PCDH7: variants seen among roughly 807,000 people sequenced by gnomAD.
PCDH7 encodes protocadherin 7.
In PCDH7, 17 loss-of-function variants were observed where a neutral mutation model predicts 58.9. The ratio of observed to expected loss-of-function variants is 0.29; its 90% CI spans 0.20 to 0.43. PCDH7 has a LOEUF of 0.43. Ranked by LOEUF, PCDH7 falls within the 20% of genes least tolerant of loss-of-function variation. The probability of loss-of-function intolerance (pLI) is 1.00; values close to 1 mark genes in which losing one functional copy is unlikely to be tolerated. For synonymous variants in PCDH7, 664 were observed against 616.4 expected, an observed-to-expected ratio of 1.08 and a Z score of -1.14; for missense variants, 1,274 against 1,441.0, an observed-to-expected ratio of 0.88 and a Z score of 1.88.
At chr4:30,960,795 G>A (rs894124782) in intron 3 of PCDH7, among the ~76,000 whole-genome samples, 1 of 152,064 alleles carries the variant, frequency 6.6e-6, no homozygotes, top group Non-Finnish European at 1.5e-5. Flanking sequence ...CTGATGTTAT[G>A]CAATATGAGA....
chr4:30,884,511 T>C (rs1347979225), intron 1 of PCDH7: 1 of 152,166 alleles, frequency 6.6e-6, no homozygotes, highest in African/African-American at 2.4e-5. Flanking sequence ...AAGTACATAA[T>C]GGATGCTGTC....
At chr4:30,736,271 A>G (rs974578892), downstream of PCDH7, among the ~76,000 whole-genome samples, 4 of 152,170 alleles carry the variant, frequency 2.6e-5, no homozygotes, top group Admixed American at 6.5e-5. Flanking sequence ...ACCAAATGTA[A>G]AGAGCTCTCC....
rs1235208983 is a variant in PCDH7 at position 30,874,502 on chromosome 4, G to A, written c.71-45651G>A. Among the ~76,000 whole-genome samples, 3 of 142,056 alleles carry A rather than the reference G, an allele frequency of 2.1e-5. No homozygotes were observed. The Admixed American group carries it at 2.3e-4, about 11-fold the overall frequency. The allele number at this position is 142,056 out of a possible 152,430, so 93.2% of individuals were successfully genotyped here. A position where few individuals can be genotyped will look rare whatever the true frequency, so the allele number is the denominator to read the frequency against. On this transcript the variant is annotated intron_variant, in intron 1 of 3. Coordinates refer to the PCDH7 transcript ENST00000509759. ...GGGAATTGAACAATGAGAACACATG[G>A]ACACAGGAAGGGGAACAACACACTC... is the stretch of plus-strand genomic sequence containing the variant.
chr4:30,959,055 A>G (rs1748134530), intron 3 of PCDH7, among the ~76,000 whole-genome samples: 2 of 152,110 alleles, frequency 1.3e-5, no homozygotes, highest in African/African-American at 4.8e-5. Flanking sequence ...GTATGGAATC[A>G]TCTACAACTT....
Position 30,823,017 on chromosome 4 carries a change from T to C in PCDH7, c.71-97136T>C, listed in dbSNP as rs150843356. 9.6e-3 allele frequency among the ~76,000 whole-genome samples: 1,467 copies of C among 152,242 alleles called. 20 individuals carry two copies. Among genetic ancestry groups the C allele is most frequent in the Admixed American group, 0.034 (517 of 15,270 alleles). ...CTTAGAGCCCAGATGCAGAGGCAGT[T>C]GACAATACAGGCATCACCAGAAATG... is the stretch of plus-strand genomic sequence containing the variant. On this transcript the variant is annotated intron_variant, in intron 1 of 3. Coordinates refer to the PCDH7 transcript ENST00000509759.
At chr4:30,774,435 A>G (rs1721807067) in intron 1 of PCDH7, among the ~76,000 whole-genome samples, 1 of 152,298 alleles carries the variant, frequency 6.6e-6, no homozygotes, top group Middle Eastern at 3.4e-3. Context: ...ACTGGTGTAT[A>G]AAGTGTTTAT....
intron 3 of PCDH7, among the ~76,000 whole-genome samples, chr4:31,083,238 C>A (rs1711850466): frequency 6.6e-6 from 1 of 151,990 alleles, no homozygotes. Context: ...ACCCCTTGTA[C>A]CCCAAAAGCT....
chr4:31,053,649 A>G (rs1016157406), intron 3 of PCDH7, among the ~76,000 whole-genome samples: 4 of 152,082 alleles, frequency 2.6e-5, no homozygotes, highest in Non-Finnish European at 4.4e-5. Context: ...CTCTGAGGTC[A>G]CTGTACTCTC....
chr4:31,029,607 G>A (rs1264092550), intron 3 of PCDH7, among the ~76,000 whole-genome samples: 4 of 152,152 alleles, frequency 2.6e-5, no homozygotes, highest in Non-Finnish European at 4.4e-5. Context: ...GTTTATAGAG[G>A]ACTTTGAAGT....
At chr4:31,005,173 G>T (rs1361620118) in intron 3 of PCDH7, among the ~76,000 whole-genome samples, 1 of 152,168 alleles carries the variant, frequency 6.6e-6, no homozygotes, top group East Asian at 1.9e-4. Flanking sequence ...AAACTGCTCG[G>T]CAGATGTTAG....
intron 1 of PCDH7, among the ~76,000 whole-genome samples, chr4:30,894,442 C>A: frequency 8.9e-6 from 1 of 112,352 alleles, no homozygotes. Context: ...AGGCCCTGGT[C>A]TGGAGACCAG....
At chr4:30,992,885 G>A (rs1014814749) in intron 3 of PCDH7, among the ~76,000 whole-genome samples, 37 of 139,410 alleles carry the variant, frequency 2.7e-4, no homozygotes, top group Admixed American at 2.1e-3. Flanking sequence ...TGCAACTTCC[G>A]CCTCCTGGGT....
rs1384612502 is a variant in PCDH7 at position 31,133,161 on chromosome 4, G to A, written c.*8-9312G>A. On this transcript the variant is annotated intron_variant, in intron 3 of 3. Coordinates refer to the PCDH7 transcript ENST00000509759. ...TTTTTGACTTTGATTCTAACTCAATGGGGAAAAAAGGTCTAGGTGTGAAAA... is the reference window on the plus strand; with the variant it reads ...TTTTTGACTTTGATTCTAACTCAATAGGGAAAAAAGGTCTAGGTGTGAAAA... 2.0e-5 allele frequency among the ~76,000 whole-genome samples: 3 copies of A among 152,076 alleles called. No individual in the cohort carries two copies. The East Asian group carries it at 5.8e-4, about 29-fold the overall frequency.
At chr4:30,780,102 C>T (rs1722591404) in intron 1 of PCDH7, among the ~76,000 whole-genome samples, 1 of 152,174 alleles carries the variant, frequency 6.6e-6, no homozygotes, top group Non-Finnish European at 1.5e-5. Flanking sequence ...GTAATTAGAA[C>T]TCTAAAGCTG....
chr4:30,987,375 C>T (rs931092901), intron 3 of PCDH7, among the ~76,000 whole-genome samples: 2 of 151,826 alleles, frequency 1.3e-5, no homozygotes, highest in African/African-American at 2.4e-5. Flanking sequence ...GGACACCCAG[C>T]GACTGCCTCA....
intron 3 of PCDH7, among the ~76,000 whole-genome samples, chr4:30,957,522 G>A (rs1405421766): frequency 1.3e-5 from 2 of 152,082 alleles, no homozygotes; most frequent in East Asian, 1.9e-4. Flanking sequence ...AAGCTTGGCC[G>A]AAATGCAAGT....
intron 3 of PCDH7, among the ~76,000 whole-genome samples, chr4:31,041,412 A>G (rs1315459840): frequency 1.3e-5 from 2 of 152,110 alleles, no homozygotes; most frequent in African/African-American, 2.4e-5. Flanking sequence ...TTTAAAGAGC[A>G]TGCTCCTTGC....
At chr4:30,892,814 A>G (rs1009306721) in intron 1 of PCDH7, among the ~76,000 whole-genome samples, 1 of 152,076 alleles carries the variant, frequency 6.6e-6, no homozygotes. Context: ...CTCTTTCCCA[A>G]AATAGGGGAA....
At chr4:31,097,639 A>ATATATATATATATATAT (rs1714319289) in intron 3 of PCDH7, among the ~76,000 whole-genome samples, 1 of 12,598 alleles carries the variant, frequency 7.9e-5, no homozygotes, top group Non-Finnish European at 1.2e-4. Context: ...TATATATATA[A>ATATATATATATATATAT]ATCTTTTTTC....
Sources: gnomAD v4.1 joint callset for allele counts (sites outside exome capture counted in the v4.1 genomes callset) on GRCh38, gnomAD v4.1.1 for gene constraint, MANE v1.5 for transcripts, NCBI Gene and HGNC (gene_info 2026-07-23, HGNC 2026-07-21) for gene names.